The following GFRA1 variants were observed in gnomAD, a reference collection of about 807,000 sequenced individuals.
The protein encoded by GFRA1 is GDNF family receptor alpha-1.
Under a neutral mutation model 51.6 loss-of-function variants are expected in GFRA1, and 16 were observed. That is an observed-to-expected ratio of 0.31 (90% CI 0.21 to 0.47). The LOEUF (loss-of-function observed/expected upper bound fraction) is 0.47, where lower values mean the gene tolerates loss of function less well. Ranked by LOEUF, GFRA1 falls within the 20% of genes least tolerant of loss-of-function variation. The pLI is 1.00. For synonymous variants in GFRA1, 270 were observed against 241.3 expected (o/e 1.12, Z -1.10); for missense variants, 530 against 594.3 (o/e 0.89, Z 1.13).
intron 4 of GFRA1, among the ~76,000 whole-genome samples, chr10:116,218,037 A>G (rs1315586196): frequency 2.0e-5 from 3 of 152,148 alleles, no homozygotes; most frequent in Admixed American, 6.5e-5. Context: ...AGAAGCCCCA[A>G]ATCAATTTTC....
At chr10:116,229,866 T>C (rs1966572281) in intron 4 of GFRA1, among the ~76,000 whole-genome samples, 2 of 152,170 alleles carry the variant, frequency 1.3e-5, no homozygotes, top group Non-Finnish European at 2.9e-5. Flanking sequence ...TTTAACCAGC[T>C]CTCACTTGGT....
At chr10:116,086,585 G>A (rs1166456028) in intron 9 of GFRA1, among the ~76,000 whole-genome samples, 1 of 152,130 alleles carries the variant, frequency 6.6e-6, no homozygotes, top group Non-Finnish European at 1.5e-5. Context: ...GTGCAAAAAG[G>A]GGCTCATGCA....
intron 4 of GFRA1, among the ~76,000 whole-genome samples, chr10:116,256,725 G>A (rs752405680): frequency 2.6e-5 from 4 of 152,220 alleles, no homozygotes; most frequent in Non-Finnish European, 5.9e-5. Context: ...GTTCTGAATC[G>A]AGTTGAGAAT....
chr10:116,271,951 C>T, intron 2 of GFRA1, 39 bp downstream of exon 2: 1 of 1,516,306 alleles, frequency 6.6e-7, no homozygotes, highest in Non-Finnish European at 9.0e-7. Flanking sequence ...CTAGGAAAGA[C>T]TCAGAGGGTA....
chr10:116,097,445 T>C (rs1589786074), intron 6 of GFRA1, among the ~76,000 whole-genome samples: 1 of 152,148 alleles, frequency 6.6e-6, no homozygotes, highest in African/African-American at 2.4e-5. Context: ...GACAGCTGCC[T>C]GCAGGTTGGA....
chr10:116,148,064 A>G (rs1565610458), intron 5 of GFRA1, among the ~76,000 whole-genome samples: 1 of 73,668 alleles, frequency 1.4e-5, no homozygotes, highest in Non-Finnish European at 2.8e-5. Flanking sequence ...GCATGTGTGC[A>G]TGCGTGTGTG....
At chr10:116,136,454 C>G (rs758424136) in intron 5 of GFRA1, among the ~76,000 whole-genome samples, 2 of 152,200 alleles carry the variant, frequency 1.3e-5, no homozygotes, top group Non-Finnish European at 2.9e-5. Flanking sequence ...AAATGTGAGC[C>G]AGCCGAGTAA....
chr10:116,075,509 T>G (rs1438558746), intron 9 of GFRA1, among the ~76,000 whole-genome samples: 1 of 152,154 alleles, frequency 6.6e-6, no homozygotes, highest in Non-Finnish European at 1.5e-5. Context: ...CATTTATCAT[T>G]CTCATATTTT....
At chr10:116,226,487 T>C (rs1966302965) in intron 4 of GFRA1, among the ~76,000 whole-genome samples, 2 of 146,528 alleles carry the variant, frequency 1.4e-5, no homozygotes, top group Non-Finnish European at 3.0e-5. Context: ...CGTGAGGGCA[T>C]CCCCCTTTAG....
At chr10:116,193,859 C>A (rs963249920) in intron 5 of GFRA1, among the ~76,000 whole-genome samples, 1 of 151,598 alleles carries the variant, frequency 6.6e-6, no homozygotes, top group African/African-American at 2.4e-5. Context: ...AGATGGAGAC[C>A]ATCCTGGCTC....
intron 4 of GFRA1, 104 bp downstream of exon 4, chr10:116,269,399 G>A (rs1355320074): frequency 5.3e-6 from 4 of 758,804 alleles, no homozygotes; most frequent in Non-Finnish European, 7.3e-6. Flanking sequence ...GAAACACTGT[G>A]CCATTCAACT....
chr10:116,106,455 G>A (rs1473447540), intron 6 of GFRA1, among the ~76,000 whole-genome samples: 1 of 152,204 alleles, frequency 6.6e-6, no homozygotes, highest in Non-Finnish European at 1.5e-5. Flanking sequence ...TAGTTCGGAC[G>A]TGTGTCCCCA....
intron 4 of GFRA1, among the ~76,000 whole-genome samples, chr10:116,221,384 G>C (rs117346025): frequency 2.6e-5 from 4 of 152,072 alleles, no homozygotes; most frequent in Non-Finnish European, 4.4e-5. Context: ...AATATGCCTC[G>C]TCCCTTCTAA....
intron 5 of GFRA1, among the ~76,000 whole-genome samples, chr10:116,131,660 G>A (rs1195430909): frequency 1.3e-5 from 2 of 152,066 alleles, no homozygotes; most frequent in African/African-American, 2.4e-5. Flanking sequence ...ACAGAAGTAC[G>A]CACAGTATGA....
intron 5 of GFRA1, among the ~76,000 whole-genome samples, chr10:116,175,419 T>C (rs973891267): frequency 4.6e-5 from 7 of 152,192 alleles, no homozygotes; most frequent in African/African-American, 1.7e-4. Flanking sequence ...GCAGGCTGCC[T>C]TCCGCCAAGG....
intron 9 of GFRA1, among the ~76,000 whole-genome samples, chr10:116,075,961 G>A (rs1589766336): frequency 1.3e-5 from 2 of 151,772 alleles, no homozygotes; most frequent in Non-Finnish European, 2.9e-5. Context: ...AGCCAAGATG[G>A]TCTCGATCTC....
At chr10:116,082,096 A>G (rs1165476713) in intron 9 of GFRA1, among the ~76,000 whole-genome samples, 1 of 152,310 alleles carries the variant, frequency 6.6e-6, no homozygotes, top group African/African-American at 2.4e-5. Flanking sequence ...GCAACCAAGA[A>G]TGTTTCATGT....
chr10:116,238,850 C>T (rs1967119283), intron 4 of GFRA1, among the ~76,000 whole-genome samples: 1 of 152,028 alleles, frequency 6.6e-6, no homozygotes, highest in Non-Finnish European at 1.5e-5. Flanking sequence ...GTAATTTTTG[C>T]CCACGTTGAA....
At chr10:116,251,050 C>T (rs531247776) in intron 4 of GFRA1, among the ~76,000 whole-genome samples, 2 of 152,344 alleles carry the variant, frequency 1.3e-5, no homozygotes, top group South Asian at 2.1e-4. Context: ...CTGATTTCCA[C>T]GTGTAAAAGG....
Sources: gnomAD v4.1 joint callset for allele counts (sites outside exome capture counted in the v4.1 genomes callset) on GRCh38, gnomAD v4.1.1 for gene constraint, MANE v1.5 for transcripts, NCBI Gene and HGNC (gene_info 2026-07-23, HGNC 2026-07-21) for gene names.